Variants in NOLC1 observed in about 807,000 individuals in gnomAD.
NOLC1 encodes the protein nucleolar and coiled-body phosphoprotein 1.
Under a neutral mutation model 73.4 loss-of-function variants are expected in NOLC1, and 37 were observed. The ratio of observed to expected loss-of-function variants is 0.50; its 90% CI spans 0.39 to 0.66. NOLC1 has a LOEUF of 0.66. Among genes scored for constraint, NOLC1 ranks in the 30% least tolerant of loss-of-function variants. NOLC1 has a pLI of 0.00. For missense variants in NOLC1, 921 were observed against 838.9 expected (o/e 1.10, Z -1.21); for synonymous variants, 327 against 302.6 (o/e 1.08, Z -0.84).
rs747341096 is a variant in NOLC1, at chr10:102,157,416, T to C, written c.317-15T>C. The C allele has an allele frequency of 6.2e-7, 1 of 1,613,952 alleles. No homozygotes were observed. The highest frequency in any genetic ancestry group is 8.5e-7 in the Non-Finnish European group (1 of 1,179,916). ...CACATGGCTGATTCTTACTGGGACC[T>C]GTGTGTTTGTTCAGCTGTACCTGCC... is the stretch of plus-strand genomic sequence containing the variant. On this transcript the variant is annotated splice_polypyrimidine_tract_variant and intron_variant, in intron 3 of 12. Coordinates refer to ENST00000605788, the MANE Select transcript of NOLC1 (RefSeq NM_004741.5).
intron 5 of NOLC1, among the ~76,000 whole-genome samples, chr10:102,158,499 C>T (rs1410804839): frequency 2.0e-5 from 3 of 152,116 alleles, no homozygotes; most frequent in Non-Finnish European, 4.4e-5. Flanking sequence ...TCACACATCC[C>T]ATTCCACTGT....
intron 1 of NOLC1, among the ~76,000 whole-genome samples, chr10:102,154,422 A>G (rs2133751237): frequency 6.6e-6 from 1 of 152,044 alleles, no homozygotes; most frequent in East Asian, 1.9e-4. Flanking sequence ...ACTTAATGAG[A>G]TGTGTAGTAT....
Position 102,162,992 on chromosome 10 carries a change from T to C in NOLC1, c.*723T>C, listed in dbSNP as rs2069738803. On this transcript the variant is annotated 3_prime_UTR_variant, in exon 13 of 13. Coordinates refer to ENST00000605788, the MANE Select transcript of NOLC1 (RefSeq NM_004741.5). ...TGTAATTTTATCATTACACGATGTT[T>C]GCAATACGTGCTTTGTTTTTTAATT... is the stretch of plus-strand genomic sequence containing the variant. 1.3e-5 allele frequency: 2 copies of C among 152,374 alleles called. No individual in the cohort carries two copies. Among genetic ancestry groups the C allele is most frequent in the South Asian group, 4.1e-4 (2 of 4,832 alleles). The allele number at this position is 152,374 out of a possible 1,614,324, so 9.4% of individuals were successfully genotyped here.
rs371374938 is a variant in NOLC1 at position 102,159,890 on chromosome 10, A to G, written c.860-6A>G. 2.6e-6 allele frequency: 4 copies of G among 1,550,518 alleles called. No individual in the cohort carries two copies. The highest frequency in any genetic ancestry group is 3.5e-6 in the Non-Finnish European group (4 of 1,151,264). On this transcript the variant is annotated splice_polypyrimidine_tract_variant and splice_region_variant and intron_variant, in intron 7 of 12. Transcript: ENST00000605788. ...CTAAAACCATCACACTATCCTTTTT[A>G]AACAGGTCCCTACAGTTCAGTCCCC...
At position 102,157,220 on chromosome 10, in the gene NOLC1, G is replaced by T. The variant is rs1269126183; in HGVS notation, c.208G>T (p.Ala70Ser). 6.2e-6 allele frequency: 10 copies of T among 1,614,160 alleles called. No individual in the cohort carries two copies. The highest frequency in any genetic ancestry group is 8.5e-6 in the Non-Finnish European group (10 of 1,180,034). ...CAAGGTCCCAGAGCGAAAGTTACAG[G>T]CAAATGGACCAGTGGCTAAGAAAGC... ...SAKVPERKLQ[A>S]NGPVAKKAKK... is the part of the protein sequence containing the mutation. The change falls in exon 3 of 13, where the codon GCA (alanine) becomes TCA (serine). Residue 70 changes from alanine to serine, a missense_variant. By Grantham distance (99) the Ala-to-Ser change is moderately conservative. Transcript: ENST00000605788.
At chr10:102,156,131 C>T (rs1309332809) in intron 1 of NOLC1, among the ~76,000 whole-genome samples, 1 of 152,220 alleles carries the variant, frequency 6.6e-6, no homozygotes. Flanking sequence ...TGAGCCACTG[C>T]ATCCCGCCTG....
At position 102,161,938 on chromosome 10, in the gene NOLC1, T is replaced by C. The variant is rs572140410; in HGVS notation, c.1941+13T>C. ...CTTTGATGCCAAGGTGAGAGAGAGA[T>C]CTGTGCCATTCTTGGGAGGGAGGAT... On this transcript the variant is annotated intron_variant, in intron 12 of 12. Coordinates refer to ENST00000605788, the MANE Select transcript of NOLC1 (RefSeq NM_004741.5). 6 of 1,612,694 alleles carry C rather than the reference T, an allele frequency of 3.7e-6. No individual in the cohort carries two copies. The African/African-American group carries it at 4.0e-5, about 11-fold the overall frequency.
At chr10:102,159,792 C>A in intron 7 of NOLC1, 104 bp from the exon 8 acceptor site, 1 of 1,237,734 alleles carries the variant, frequency 8.1e-7, no homozygotes, top group Non-Finnish European at 1.1e-6. Flanking sequence ...TGATTCTGGC[C>A]CATACTCAAG....
chr10:102,152,514 C>T lies in NOLC1; in HGVS notation c.104C>T (p.Ala35Val), dbSNP rs1373622801. 6.2e-7 allele frequency: 1 copy of T among 1,613,718 alleles called. No homozygotes were observed. The highest frequency in any genetic ancestry group is 8.5e-7 in the Non-Finnish European group (1 of 1,180,060). ...CTCTCAGAGGTGGCCAATAAGTTCG[C>T]CAAAGCGACAGGAGCTGTGAGTTCC... ...NQLSEVANKF[A>V]KATGATQQDA... Residue 35 changes from alanine to valine, a missense_variant, in exon 1 of 13, where the codon GCC becomes GTC. Coordinates refer to ENST00000605788, the MANE Select transcript of NOLC1 (RefSeq NM_004741.5).
At chr10:102,154,678 G>A (rs562525899) in intron 1 of NOLC1, among the ~76,000 whole-genome samples, 20 of 151,988 alleles carry the variant, frequency 1.3e-4, no homozygotes, top group African/African-American at 1.2e-4. Flanking sequence ...ACAGGCGCCC[G>A]CCTCCACGCC....
intron 4 of NOLC1, 79 bp from the exon 5 acceptor site, chr10:102,157,969 TA>T: frequency 7.3e-7 from 1 of 1,365,194 alleles, no homozygotes; most frequent in Non-Finnish European, 1.0e-6. Flanking sequence ...ATTAGGCCCC[TA>T]AAAATAAAAG....
chr10:102,155,110 C>T (rs958892578), intron 1 of NOLC1, among the ~76,000 whole-genome samples: 3 of 151,198 alleles, frequency 2.0e-5, no homozygotes, highest in African/African-American at 7.3e-5. Context: ...ACAACCTCCA[C>T]CTCCTGGGTT....
chr10:102,152,890 G>A (rs1016013027), intron 1 of NOLC1, among the ~76,000 whole-genome samples: 3 of 152,178 alleles, frequency 2.0e-5, no homozygotes, highest in African/African-American at 7.2e-5. Context: ...CTTTTCGTTG[G>A]GTGAGGCAAA....
intron 1 of NOLC1, among the ~76,000 whole-genome samples, chr10:102,152,895 G>T (rs1395032470): frequency 2.0e-5 from 3 of 152,194 alleles, no homozygotes; most frequent in African/African-American, 7.2e-5. Context: ...CGTTGGGTGA[G>T]GCAAACCGTG....
At chr10:102,161,747 A>AC in intron 11 of NOLC1, 85 bp downstream of exon 11, 1 of 1,529,654 alleles carries the variant, frequency 6.5e-7, no homozygotes, top group Non-Finnish European at 9.0e-7. Context: ...GCCTGGCGTG[A>AC]CCTGGTACAT....
In NOLC1 at chr10:102,158,161, C is replaced by T; in HGVS notation, c.554C>T (p.Pro185Leu). The T allele has an allele frequency of 6.2e-7, 1 of 1,614,042 alleles. No individual in the cohort carries two copies. Among genetic ancestry groups the T allele is most frequent in the Non-Finnish European group, 8.5e-7 (1 of 1,179,988 alleles). Residue 185 changes from proline (P) to leucine (L), a missense_variant, in exon 5 of 13, where the codon CCA (proline) becomes CTA (leucine). By Grantham distance (98) the Pro-to-Leu change is moderately conservative (BLOSUM62 -3). Coordinates refer to ENST00000605788, the MANE Select transcript of NOLC1 (RefSeq NM_004741.5). ...SEDEPPKNQK[P>L]KITPVTVKAQ... ...GATGAGCCACCAAAGAACCAGAAGC[C>T]AAAGATAACACCTGTGACAGTTAAA... is the stretch of plus-strand genomic sequence containing the variant.
At position 102,160,499 on chromosome 10, in the gene NOLC1, A is replaced by G. The variant is rs750939920; in HGVS notation, c.1147A>G (p.Thr383Ala). 1 of 1,614,166 alleles carries G rather than the reference A, an allele frequency of 6.2e-7. No individual in the cohort carries two copies. Among genetic ancestry groups the G allele is most frequent in the Non-Finnish European group, 8.5e-7 (1 of 1,180,016 alleles). ...TGAAGCTCCTTCTAAGCCAGCTGGT[A>G]CCACCAAGAATTCTTCAAATAAGCC... ...DDEAPSKPAG[T>A]TKNSSNKPAV... Residue 383 changes from threonine to alanine, a missense_variant, in exon 10 of 13, where the codon ACC (threonine) becomes GCC (alanine). By Grantham distance (58) the Thr-to-Ala change is moderately conservative. Coordinates refer to ENST00000605788, the MANE Select transcript of NOLC1 (RefSeq NM_004741.5).
At position 102,162,352 on chromosome 10, in the gene NOLC1, T is replaced by C; in HGVS notation, c.*83T>C. On this transcript the variant is annotated 3_prime_UTR_variant, in exon 13 of 13. Coordinates refer to ENST00000605788, the MANE Select transcript of NOLC1 (RefSeq NM_004741.5). ...GTGGACCTGGGAACCCTCAGGTCTC[T>C]AGGTGAGGGTCTTGATGAGGACAGA... 6.9e-7 allele frequency: 1 copy of C among 1,442,774 alleles called. No individual in the cohort carries two copies. The highest frequency in any genetic ancestry group is 9.5e-7 in the Non-Finnish European group (1 of 1,048,684). 89.4% of individuals were successfully genotyped at this position (1,442,774 alleles called of 1,614,324 possible). A position where few individuals can be genotyped will look rare whatever the true frequency, so the allele number is the denominator to read the frequency against.
At position 102,160,623 on chromosome 10, in the gene NOLC1, G is replaced by T; in HGVS notation, c.1271G>T (p.Ser424Ile). Residue 424 changes from serine (S) to isoleucine (I), a missense_variant, in exon 10 of 13, where the codon AGC (serine) becomes ATC (isoleucine). Transcript: ENST00000605788. ...CTTCTGACGAGAAAGGCTGACAGCAGCTCCAGTGAGGAAGAGAGCAGCTCC... is the reference window on the plus strand; with the variant it reads ...CTTCTGACGAGAAAGGCTGACAGCATCTCCAGTGAGGAAGAGAGCAGCTCC... Reference protein sequence around the residue: ...QKLLTRKADSSSSEEESSSSE... With the variant: ...QKLLTRKADSISSEEESSSSE... 6.2e-7 allele frequency: 1 copy of T among 1,614,190 alleles called. No individual in the cohort carries two copies. The highest frequency in any genetic ancestry group is 8.5e-7 in the Non-Finnish European group (1 of 1,180,000).
Sources: gnomAD v4.1 joint callset for allele counts (sites outside exome capture counted in the v4.1 genomes callset) on GRCh38, gnomAD v4.1.1 for gene constraint, MANE v1.5 for transcripts, NCBI Gene and HGNC (gene_info 2026-07-23, HGNC 2026-07-21) for gene names.